HCFC2: variants seen among roughly 807,000 people sequenced by gnomAD.
HCFC2 encodes the protein host cell factor C2.
HCFC2 carries 18 observed loss-of-function variants against 89.2 expected under a neutral mutation model. That is an observed-to-expected ratio of 0.20 (90% confidence interval 0.14 to 0.30). The LOEUF is 0.30. Ranked by LOEUF, HCFC2 falls within the 10% of genes least tolerant of loss-of-function variation. HCFC2 has a pLI of 1.00. For missense variants in HCFC2, 578 were observed against 956.1 expected (o/e 0.60, Z 5.21); for synonymous variants, 308 against 335.7 (o/e 0.92, Z 0.90).
At chr12:104,071,186 A>T (rs1323184026) in intron 3 of HCFC2, among the ~76,000 whole-genome samples, 1 of 152,282 alleles carries the variant, frequency 6.6e-6, no homozygotes, top group East Asian at 1.9e-4. Context: ...GTAAAAAGTC[A>T]AATCAGAAAG....
intron 3 of HCFC2, among the ~76,000 whole-genome samples, chr12:104,077,135 C>G (rs1442540423): frequency 6.6e-6 from 1 of 151,908 alleles, no homozygotes; most frequent in Non-Finnish European, 1.5e-5. Context: ...AAAATTTGAC[C>G]TTTTTTTCTC....
intron 5 of HCFC2, among the ~76,000 whole-genome samples, chr12:104,081,578 G>A (rs531890462): frequency 6.7e-6 from 1 of 150,190 alleles, no homozygotes; most frequent in South Asian, 2.1e-4. Context: ...TTTAGGAAAT[G>A]ACTGTTGTAA....
rs538160136 is a variant in HCFC2 at position 104,081,917 on chromosome 12, A to G, written c.768-583A>G. Among the ~76,000 whole-genome samples, 129 of 151,712 alleles carry G rather than the reference A, an allele frequency of 8.5e-4. No homozygotes were observed. The Middle Eastern group carries it at 0.014, about 16-fold the overall frequency. On this transcript the variant is annotated intron_variant, in intron 5 of 14. Coordinates refer to ENST00000229330, the MANE Select transcript of HCFC2 (RefSeq NM_013320.3). ...AAGATCCTGTCTCAAAAAAAAAAAA[A>G]AAAAAAAATCTCTGGTTGGCATAAA...
intron 13 of HCFC2, among the ~76,000 whole-genome samples, chr12:104,101,620 A>G (rs2029941467): frequency 6.6e-6 from 1 of 152,286 alleles, no homozygotes; most frequent in South Asian, 2.1e-4. Flanking sequence ...CTGCTTCAAG[A>G]TAAGTTTACA....
At chr12:104,098,617 A>C in intron 13 of HCFC2, 137 bp downstream of exon 13, 1 of 821,244 alleles carries the variant, frequency 1.2e-6, no homozygotes, top group South Asian at 1.9e-5. Flanking sequence ...GGTCACTTGA[A>C]TGAGTAAAAT....
At position 104,095,213 on chromosome 12, in the gene HCFC2, T is replaced by C. The variant is rs1208956593; in HGVS notation, c.1463-147T>C. 25 of 625,188 alleles carry C rather than the reference T, an allele frequency of 4.0e-5. No individual in the cohort carries two copies. Among genetic ancestry groups the C allele is most frequent in the Non-Finnish European group, 8.3e-6 (3 of 361,226 alleles). The allele number at this position is 625,188 out of a possible 1,614,324, so 38.7% of individuals were successfully genotyped here. On this transcript the variant is annotated intron_variant, in intron 10 of 14. Coordinates refer to ENST00000229330, the MANE Select transcript of HCFC2 (RefSeq NM_013320.3). The surrounding 1 kb of genome is among the most constrained non-coding windows in gnomAD (Gnocchi z 4.2). ...TTTATTTTTCTAAACATTTTATGCCTAATGGATAATTCATACTAATACCAT... is the reference window on the plus strand; with the variant it reads ...TTTATTTTTCTAAACATTTTATGCCCAATGGATAATTCATACTAATACCAT...
At chr12:104,071,330 G>C (rs139889518) in intron 3 of HCFC2, among the ~76,000 whole-genome samples, 9 of 152,280 alleles carry the variant, frequency 5.9e-5, no homozygotes, top group African/African-American at 1.4e-4. Flanking sequence ...GCTTTTGTTA[G>C]GTTATTGTTT....
chr12:104,105,205 T>C lies in HCFC2; in HGVS notation c.*1932T>C, dbSNP rs1437811293. The C allele has an allele frequency of 6.6e-6, 1 of 152,056 alleles. No homozygotes were observed. The highest frequency in any genetic ancestry group is 1.5e-5 in the Non-Finnish European group (1 of 67,908). The allele number at this position is 152,056 out of a possible 1,614,324, so 9.4% of individuals were successfully genotyped here. On this transcript the variant is annotated 3_prime_UTR_variant, in exon 15 of 15. Transcript: ENST00000229330. ...GTGTATACTTAATTATAAAAGAATA[T>C]GAATGGAAAGTTATACTAAAAGTAT...
intron 13 of HCFC2, among the ~76,000 whole-genome samples, chr12:104,101,323 A>G (rs1237140009): frequency 7.9e-5 from 12 of 152,066 alleles, no homozygotes; most frequent in Non-Finnish European, 1.6e-4. Context: ...GTCTCTACTG[A>G]AAAATACAAA....
In HCFC2 at chr12:104,103,212, A is replaced by G; in HGVS notation, c.2318A>G (p.Tyr773Cys). ...FRISAKNEKGYGPATQVRWLQ... is the reference protein window; with the variant it reads ...FRISAKNEKGCGPATQVRWLQ... ...ATATCAGCAAAGAATGAAAAGGGATATGGACCAGCTACACAAGTTCGGTGG... is the reference window on the plus strand; with the variant it reads ...ATATCAGCAAAGAATGAAAAGGGATGTGGACCAGCTACACAAGTTCGGTGG... The change falls in exon 15 of 15, where the codon TAT (tyrosine) becomes TGT (cysteine). Residue 773 changes from tyrosine (Y) to cysteine (C), a missense_variant. Transcript: ENST00000229330. 1 of 1,614,134 alleles carries G rather than the reference A, an allele frequency of 6.2e-7. No homozygotes were observed. The highest frequency in any genetic ancestry group is 8.5e-7 in the Non-Finnish European group (1 of 1,179,944).
intron 9 of HCFC2, among the ~76,000 whole-genome samples, chr12:104,088,270 C>T (rs1484196969): frequency 6.6e-6 from 1 of 152,182 alleles, no homozygotes; most frequent in East Asian, 1.9e-4. Flanking sequence ...TTGAAGAAAG[C>T]TTCACAGATC....
In HCFC2 at chr12:104,064,849, G is replaced by C. The variant is rs1190531933; in HGVS notation, c.163+126G>C. On this transcript the variant is annotated intron_variant, in intron 1 of 14. Transcript: ENST00000229330. This position sits in a 1 kb window ranked among gnomAD's most constrained non-coding sequence, Gnocchi z 7.3. ...CACTGCTTCCTTGGGCGGGCGGCGG[G>C]GAGCGCGGCTCAGCCGGGCAGCCCG... The C allele has an allele frequency of 1.1e-6, 1 of 887,268 alleles. No homozygotes were observed. Among genetic ancestry groups the C allele is most frequent in the African/African-American group, 1.8e-5 (1 of 55,818 alleles). The allele number at this position is 887,268 out of a possible 1,614,324, so 55.0% of individuals were successfully genotyped here.
chr12:104,073,624 T>A (rs894921133), intron 3 of HCFC2, among the ~76,000 whole-genome samples: 1 of 152,240 alleles, frequency 6.6e-6, no homozygotes, highest in Non-Finnish European at 1.5e-5. Flanking sequence ...TTCAAACTTT[T>A]GTTTCTGTTT....
chr12:104,090,638 G>A (rs1883995576), intron 9 of HCFC2, among the ~76,000 whole-genome samples: 1 of 151,358 alleles, frequency 6.6e-6, no homozygotes, highest in Non-Finnish European at 1.5e-5. Context: ...TCTGTTAATA[G>A]CACCCTATTC....
In HCFC2 at chr12:104,105,312, T is replaced by G. The variant is rs1366930958; in HGVS notation, c.*2039T>G. On this transcript the variant is annotated 3_prime_UTR_variant, in exon 15 of 15. Transcript: ENST00000229330. ...TTTAACCCTTTCTTCTCTGCATTAA[T>G]TAACAACGTGCATCTTGAAGCCCTT... The G allele has an allele frequency of 6.6e-6, 1 of 152,068 alleles. No homozygotes were observed. Among genetic ancestry groups the G allele is most frequent in the African/African-American group, 2.4e-5 (1 of 41,446 alleles). 9.4% of individuals were successfully genotyped at this position (152,068 alleles called of 1,614,324 possible).
Position 104,093,548 on chromosome 12 carries a change from C to A in HCFC2, c.1447C>A (p.Leu483Ile). The A allele has an allele frequency of 6.2e-7, 1 of 1,607,170 alleles. No homozygotes were observed. Among genetic ancestry groups the A allele is most frequent in the Non-Finnish European group, 8.5e-7 (1 of 1,177,356 alleles). ...TCATAATAGTCATGTGGTGGATATG[C>A]TAAGGAAAAATGAAGGTATATGGAT... ...SNHNSHVVDM[L>I]RKNEGPHTSA... Residue 483 changes from leucine to isoleucine, a missense_variant, in exon 10 of 15, where the codon CTA becomes ATA. Around this residue, in one of 4 missense-constraint regions of HCFC2, gnomAD observed 210 missense variants for 251.7 expected, o/e 0.83. Transcript: ENST00000229330.
At chr12:104,077,012 C>G (rs1883513879) in intron 3 of HCFC2, among the ~76,000 whole-genome samples, 1 of 151,984 alleles carries the variant, frequency 6.6e-6, no homozygotes, top group South Asian at 2.1e-4. Context: ...GTGTCTGTGT[C>G]TGTGTGTATA....
intron 3 of HCFC2, among the ~76,000 whole-genome samples, chr12:104,078,914 G>A (rs1593597472): frequency 6.6e-6 from 1 of 152,236 alleles, no homozygotes; most frequent in South Asian, 2.1e-4. Context: ...GCTGCATATG[G>A]CCACCCAGAT....
chr12:104,077,112 C>T (rs1883516869), intron 3 of HCFC2, among the ~76,000 whole-genome samples: 1 of 152,116 alleles, frequency 6.6e-6, no homozygotes, highest in Non-Finnish European at 1.5e-5. Context: ...CGGTCATTAT[C>T]TGGATTTTTA....
Sources: gnomAD v4.1 joint callset for allele counts (sites outside exome capture counted in the v4.1 genomes callset) on GRCh38, gnomAD v4.1.1 for gene constraint, gnomAD v4.1.1 regional missense constraint, Gnocchi (gnomAD v3.1) non-coding constraint, MANE v1.5 for transcripts, NCBI Gene and HGNC (gene_info 2026-07-23, HGNC 2026-07-21) for gene names.